CERS6: variants seen among roughly 807,000 people sequenced by gnomAD.
CERS6 encodes the protein ceramide synthase 6.
CERS6 carries 26 observed loss-of-function variants against 56.8 expected under a neutral mutation model. The observed-to-expected ratio is 0.46, with a 90% CI of 0.34 to 0.63. The LOEUF is 0.63. CERS6 is among the 30% of genes least tolerant of loss of function. CERS6 has a pLI of 0.01. For synonymous variants in CERS6, 164 were observed against 173.3 expected (o/e 0.95, Z 0.42); for missense variants, 415 against 467.5 (o/e 0.89, Z 1.04).
chr2:168,586,760 C>T (rs916537190), intron 3 of CERS6, among the ~76,000 whole-genome samples: 1 of 152,014 alleles, frequency 6.6e-6, no homozygotes, highest in African/African-American at 2.4e-5. Flanking sequence ...AGCAAATTTC[C>T]TGTCATAAAA....
intron 1 of CERS6, among the ~76,000 whole-genome samples, chr2:168,514,949 G>A (rs531103684): frequency 3.1e-4 from 47 of 152,270 alleles, no homozygotes; most frequent in African/African-American, 1.1e-3. Flanking sequence ...GAGCTCACCT[G>A]GGTCTTAGTT....
chr2:168,644,006 T>C (rs1010215518), intron 4 of CERS6: 66 of 760,382 alleles, frequency 8.7e-5, no homozygotes, highest in Admixed American at 1.3e-4. Flanking sequence ...CGCTAGTATA[T>C]CCAGAGGGAA....
intron 1 of CERS6, among the ~76,000 whole-genome samples, chr2:168,543,790 G>C (rs1190482271): frequency 6.6e-6 from 1 of 152,200 alleles, no homozygotes; most frequent in Non-Finnish European, 1.5e-5. Context: ...AGCATACCTA[G>C]TGAGGGGTTG....
chr2:168,674,217 T>C (rs750861032), intron 4 of CERS6, among the ~76,000 whole-genome samples: 39 of 152,250 alleles, frequency 2.6e-4, no homozygotes, highest in Non-Finnish European at 1.2e-4. Flanking sequence ...TGCTTCAAAG[T>C]GTCCTCAGGA....
chr2:168,459,213 T>C (rs148452784), intron 1 of CERS6, among the ~76,000 whole-genome samples: 1 of 152,392 alleles, frequency 6.6e-6, no homozygotes, highest in Non-Finnish European at 1.5e-5. Flanking sequence ...TCCAAGTCTT[T>C]ATTTTACATT....
At chr2:168,681,991 G>GT (rs1213884951) in intron 4 of CERS6, among the ~76,000 whole-genome samples, 2 of 152,144 alleles carry the variant, frequency 1.3e-5, no homozygotes, top group Non-Finnish European at 2.9e-5. Flanking sequence ...TGACTGAATA[G>GT]TATTTCATTG....
intron 4 of CERS6, among the ~76,000 whole-genome samples, chr2:168,672,925 T>C (rs1030236675): frequency 2.6e-5 from 4 of 152,218 alleles, no homozygotes; most frequent in African/African-American, 9.6e-5. Context: ...TAGAGATCAA[T>C]TCCTTCCTTG....
At chr2:168,651,747 T>C (rs1444988410) in intron 4 of CERS6, among the ~76,000 whole-genome samples, 1 of 152,152 alleles carries the variant, frequency 6.6e-6, no homozygotes, top group Non-Finnish European at 1.5e-5. Context: ...TCCCTTGACA[T>C]GTGGGGATTA....
At chr2:168,501,277 C>T (rs1694575427) in intron 1 of CERS6, among the ~76,000 whole-genome samples, 1 of 152,218 alleles carries the variant, frequency 6.6e-6, no homozygotes, top group African/African-American at 2.4e-5. Flanking sequence ...CAGGAGTCAA[C>T]TCCCTATAAA....
chr2:168,531,443 C>T (rs1221831805), intron 1 of CERS6, among the ~76,000 whole-genome samples: 3 of 152,140 alleles, frequency 2.0e-5, no homozygotes, highest in Non-Finnish European at 4.4e-5. Flanking sequence ...GCAGTTGGAC[C>T]AAATGACATA....
intron 5 of CERS6, among the ~76,000 whole-genome samples, chr2:168,694,588 A>G (rs555646877): frequency 1.3e-5 from 2 of 152,268 alleles, no homozygotes; most frequent in East Asian, 3.9e-4. Flanking sequence ...TCTTGTCCCT[A>G]TACTTGCAGC....
At chr2:168,605,557 G>A (rs1684032959) in intron 3 of CERS6, among the ~76,000 whole-genome samples, 1 of 152,162 alleles carries the variant, frequency 6.6e-6, no homozygotes, top group African/African-American at 2.4e-5. Context: ...CAAGACCATG[G>A]GGAGAAGGCC....
intron 1 of CERS6, among the ~76,000 whole-genome samples, chr2:168,482,025 A>G (rs984335164): frequency 2.6e-5 from 4 of 152,234 alleles, no homozygotes; most frequent in African/African-American, 9.6e-5. Flanking sequence ...TTATAAATCC[A>G]GTAAATATGA....
chr2:168,602,757 A>ATGGGGTT (rs968147886), intron 3 of CERS6, among the ~76,000 whole-genome samples: 13 of 152,280 alleles, frequency 8.5e-5, no homozygotes, highest in African/African-American at 2.9e-4. Context: ...GCATAAAGGA[A>ATGGGGTT]TGGGGTTTGG....
At chr2:168,684,279 T>C (rs551900796) in intron 4 of CERS6, among the ~76,000 whole-genome samples, 1 of 152,170 alleles carries the variant, frequency 6.6e-6, no homozygotes, top group Non-Finnish European at 1.5e-5. Context: ...GGTAGATTTA[T>C]AGTCACATGT....
chr2:168,488,305 A>G (rs906123522), intron 1 of CERS6, among the ~76,000 whole-genome samples: 1 of 152,194 alleles, frequency 6.6e-6, no homozygotes, highest in Non-Finnish European at 1.5e-5. Context: ...ATATGTTAGC[A>G]TAGAGGAATG....
intron 8 of CERS6, among the ~76,000 whole-genome samples, chr2:168,757,050 T>C (rs1684434270): frequency 6.6e-6 from 1 of 152,130 alleles, no homozygotes; most frequent in Non-Finnish European, 1.5e-5. Flanking sequence ...TACAGAGATG[T>C]TGAATGGGCA....
At chr2:168,767,771 CAT>C (rs1684759904) in intron 9 of CERS6, among the ~76,000 whole-genome samples, 1 of 152,120 alleles carries the variant, frequency 6.6e-6, no homozygotes, top group African/African-American at 2.4e-5. Context: ...GTAGTGGTAA[CAT>C]AGACAGGATG....
chr2:168,644,875 C>T (rs980805265), intron 4 of CERS6, among the ~76,000 whole-genome samples: 3 of 151,332 alleles, frequency 2.0e-5, no homozygotes, highest in Admixed American at 6.6e-5. Flanking sequence ...GGGCAGATCA[C>T]GAGGTCAGGA....
Sources: gnomAD v4.1 joint callset for allele counts (sites outside exome capture counted in the v4.1 genomes callset) on GRCh38, gnomAD v4.1.1 for gene constraint, MANE v1.5 for transcripts, NCBI Gene and HGNC (gene_info 2026-07-23, HGNC 2026-07-21) for gene names.